EYS: variants seen among roughly 807,000 people sequenced by gnomAD.
EYS encodes the protein EGF-like photoreceptor maintenance factor, also known as protein eyes shut homolog.
EYS carries 250 observed loss-of-function variants against 282.1 expected under a neutral mutation model. That is an observed-to-expected ratio of 0.89 (90% CI 0.80 to 0.98). The LOEUF (loss-of-function observed/expected upper bound fraction) is 0.98. EYS is among the 50% of genes least tolerant of loss of function. The probability of loss-of-function intolerance (pLI) is 0.00; values close to 1 mark genes in which losing one functional copy is unlikely to be tolerated. For synonymous variants in EYS, 1,355 were observed against 1,282.9 expected (o/e 1.06, Z -1.20); for missense variants, 4,016 against 3,709.0 (o/e 1.08, Z -2.15).
At chr6:64,661,360 T>C (rs1444920180) in intron 22 of EYS, among the ~76,000 whole-genome samples, 3 of 152,046 alleles carry the variant, frequency 2.0e-5, no homozygotes, top group Non-Finnish European at 4.4e-5. Context: ...CCAAAAGCAA[T>C]GGCAACAAAA....
rs189051114 is a variant in EYS at position 64,012,009 on chromosome 6, C to G, written c.6726-12826G>C. Among the ~76,000 whole-genome samples, 135 of 150,536 alleles carry G rather than the reference C, an allele frequency of 9.0e-4. 6 individuals are homozygous for G. The East Asian group carries it at 0.025, about 28-fold the overall frequency. ...AGTTTTTCCTCTCCTCTCCTCTCCT[C>G]TCCTCTCCTCTCCTCTCCTCTCCTC... On this transcript the variant is annotated intron_variant, in intron 33 of 42. Transcript: ENST00000503581.
intron 22 of EYS, among the ~76,000 whole-genome samples, chr6:64,793,299 G>A (rs1774246885): frequency 1.3e-5 from 2 of 152,054 alleles, no homozygotes; most frequent in South Asian, 4.1e-4. Context: ...TAAATTATAT[G>A]CTATAAAATA....
chr6:64,694,380 G>A (rs1770504447), intron 22 of EYS, among the ~76,000 whole-genome samples: 1 of 152,126 alleles, frequency 6.6e-6, no homozygotes, highest in African/African-American at 2.4e-5. Context: ...CAATGCATAA[G>A]AAGGAAAAAG....
At chr6:65,435,621 C>T (rs1488038169) in intron 5 of EYS, among the ~76,000 whole-genome samples, 1 of 151,996 alleles carries the variant, frequency 6.6e-6, no homozygotes, top group Non-Finnish European at 1.5e-5. Flanking sequence ...GCATGTGAAT[C>T]TACAATTATC....
At chr6:64,269,858 A>C (rs929819519) in intron 30 of EYS, among the ~76,000 whole-genome samples, 1 of 152,066 alleles carries the variant, frequency 6.6e-6, no homozygotes, top group Non-Finnish European at 1.5e-5. Flanking sequence ...GATATGAGCA[A>C]GGTATTATCT....
At chr6:65,512,222 G>A (rs531925733) in intron 2 of EYS, among the ~76,000 whole-genome samples, 3 of 152,144 alleles carry the variant, frequency 2.0e-5, no homozygotes, top group South Asian at 4.1e-4. Flanking sequence ...GCCGGGCACG[G>A]TGGCTCATGC....
At chr6:63,860,067 T>A (rs541889302) in intron 36 of EYS, among the ~76,000 whole-genome samples, 149 of 152,326 alleles carry the variant, frequency 9.8e-4, no homozygotes, top group Middle Eastern at 3.4e-3. Context: ...ACAGCTAGGC[T>A]TATTGGATTG....
chr6:64,613,815 T>C (rs1015911460), intron 24 of EYS, among the ~76,000 whole-genome samples: 2 of 152,092 alleles, frequency 1.3e-5, no homozygotes, highest in African/African-American at 4.8e-5. Flanking sequence ...TGGAGAAAAA[T>C]CCCCTCATGC....
At position 64,399,220 on chromosome 6, in the gene EYS, T is replaced by C. The variant is rs564810682; in HGVS notation, c.5928-10380A>G. ...TGAAAGACTAACATAAAACAATATA[T>C]ATGAACTCTATGTTTTCTTTCCTTA... On this transcript the variant is annotated intron_variant, in intron 28 of 42. Coordinates refer to ENST00000503581, the MANE Select transcript of EYS (RefSeq NM_001142800.2). Among the ~76,000 whole-genome samples the C allele has an allele frequency of 3.7e-4, 56 of 151,844 alleles. 2 individuals are homozygous for C. In the South Asian group the frequency reaches 8.3e-3, roughly 22 times the overall value.
chr6:64,631,336 T>G (rs1582974388), intron 22 of EYS: 1 of 152,184 alleles, frequency 6.6e-6, no homozygotes, highest in African/African-American at 2.4e-5. Flanking sequence ...AACCTGTTGT[T>G]GCAGATAAGA....
intron 41 of EYS, among the ~76,000 whole-genome samples, chr6:63,736,925 A>G (rs1485418711): frequency 1.3e-5 from 2 of 152,072 alleles, no homozygotes; most frequent in Non-Finnish European, 2.9e-5. Flanking sequence ...TGTGATTTTT[A>G]TACGTTGATT....
intron 30 of EYS, among the ~76,000 whole-genome samples, chr6:64,304,812 A>G (rs1769375864): frequency 6.6e-6 from 1 of 152,228 alleles, no homozygotes; most frequent in Non-Finnish European, 1.5e-5. Context: ...AGTAGAAAAT[A>G]GAGACAAATA....
chr6:64,974,234 CA>C (rs1770398073), intron 14 of EYS, among the ~76,000 whole-genome samples: 1 of 151,674 alleles, frequency 6.6e-6, no homozygotes, highest in Admixed American at 6.6e-5. Flanking sequence ...CCAAGTTAAC[CA>C]AAATAAAGAA....
intron 7 of EYS, among the ~76,000 whole-genome samples, chr6:65,389,094 T>A (rs1582226631): frequency 6.6e-6 from 1 of 152,156 alleles, no homozygotes; most frequent in East Asian, 1.9e-4. Flanking sequence ...TCTCTTTGCA[T>A]GTGCCCTTGT....
chr6:64,275,772 G>A (rs922372186), intron 30 of EYS, among the ~76,000 whole-genome samples: 8 of 149,288 alleles, frequency 5.4e-5, no homozygotes, highest in African/African-American at 1.5e-4. Flanking sequence ...TGACTAACAC[G>A]GTGAAACCCT....
intron 1 of EYS, among the ~76,000 whole-genome samples, chr6:65,644,877 C>G (rs1470683397): frequency 6.6e-6 from 1 of 152,116 alleles, no homozygotes; most frequent in African/African-American, 2.4e-5. Flanking sequence ...TGAGAATTCG[C>G]CACTACCAAG....
rs370729902 is a variant in EYS, at chr6:65,198,885, G to A, written c.2023+96978C>T. Reference sequence around the variant, plus strand: ...TTAGGACTATTTTATGGATTTGATTGGGGGGTGCTGAGGCAAGAGACATCA... The same window carrying A: ...TTAGGACTATTTTATGGATTTGATTAGGGGGTGCTGAGGCAAGAGACATCA... On this transcript the variant is annotated intron_variant, in intron 12 of 42. Transcript: ENST00000503581. 4.2e-4 allele frequency among the ~76,000 whole-genome samples: 64 copies of A among 152,146 alleles called. 1 individual carries two copies. Among genetic ancestry groups the A allele is most frequent in the South Asian group, 3.9e-3 (19 of 4,818 alleles).
chr6:65,521,639 T>C (rs1767376230), intron 2 of EYS, among the ~76,000 whole-genome samples: 1 of 152,194 alleles, frequency 6.6e-6, no homozygotes. Context: ...GAATAAGGTT[T>C]CTTATGGAAT....
chr6:65,440,631 T>C (rs1388267388), intron 5 of EYS, among the ~76,000 whole-genome samples: 4 of 151,396 alleles, frequency 2.6e-5, no homozygotes, highest in African/African-American at 9.7e-5. Flanking sequence ...ATTTCCTCCA[T>C]AAACATCCTC....
Sources: gnomAD v4.1 joint callset for allele counts (sites outside exome capture counted in the v4.1 genomes callset) on GRCh38, gnomAD v4.1.1 for gene constraint, MANE v1.5 for transcripts, NCBI Gene and HGNC (gene_info 2026-07-23, HGNC 2026-07-21) for gene names.